CCDC191: variants seen among roughly 807,000 people sequenced by gnomAD.
CCDC191 encodes coiled-coil domain containing 191.
A neutral mutation model predicts 114.0 loss-of-function variants in CCDC191; 99 were observed. That is an observed-to-expected ratio of 0.87 (90% CI 0.74 to 1.03). The LOEUF is 1.03. Among genes scored for constraint, CCDC191 ranks in the 50% least tolerant of loss-of-function variants. The pLI is 0.00. For missense variants in CCDC191, 973 were observed against 1,087.0 expected, an observed-to-expected ratio of 0.90 and a Z score of 1.47; for synonymous variants, 351 against 376.0, an observed-to-expected ratio of 0.93 and a Z score of 0.77.
intron 16 of CCDC191, among the ~76,000 whole-genome samples, chr3:113,972,185 G>A (rs553774290): frequency 6.6e-6 from 1 of 152,014 alleles, no homozygotes; most frequent in African/African-American, 2.4e-5. Context: ...TTTGAAGTCT[G>A]TCAACTTTTT....
chr3:113,986,171 C>T (rs1189640581), intron 13 of CCDC191, among the ~76,000 whole-genome samples: 1 of 152,056 alleles, frequency 6.6e-6, no homozygotes, highest in South Asian at 2.1e-4. Flanking sequence ...AATAAAAAAA[C>T]ACATGGTAAT....
chr3:114,003,173 C>T (rs1219346498), intron 11 of CCDC191: 19 of 985,186 alleles, frequency 1.9e-5, no homozygotes, highest in Non-Finnish European at 2.3e-5. Flanking sequence ...TATTAAATAT[C>T]GATCCAAAAG....
intron 9 of CCDC191, among the ~76,000 whole-genome samples, chr3:114,006,203 C>T (rs778174002): frequency 7.2e-5 from 11 of 151,890 alleles, no homozygotes; most frequent in Non-Finnish European, 1.6e-4. Flanking sequence ...AATCCCAGCA[C>T]GTTGGGAGGC....
intron 9 of CCDC191, among the ~76,000 whole-genome samples, chr3:114,008,610 TA>T (rs1277719303): frequency 1.3e-5 from 2 of 151,998 alleles, no homozygotes; most frequent in African/African-American, 4.8e-5. Context: ...TTATAAAAAC[TA>T]AACAACTGTG....
At chr3:113,991,119 C>A (rs1269640109) in intron 13 of CCDC191, among the ~76,000 whole-genome samples, 1 of 151,620 alleles carries the variant, frequency 6.6e-6, no homozygotes, top group Non-Finnish European at 1.5e-5. Context: ...GCCTCTAATC[C>A]CAGCTACTCA....
chr3:113,965,356 C>A lies in CCDC191; in HGVS notation c.2610G>T (p.Arg870Ser), dbSNP rs1461680713. ...HEIAAEHSDR[R>S]ILWITLRTWK... ...ATGTCCGAAGGGTGATCCAGAGGAT[C>A]CTCCTTTAAGAATAAAGAAGGAAAA... The change falls in exon 17 of 17, where the codon AGG becomes AGT. Residue 870 changes from arginine to serine, a missense_variant. Physicochemically the swap from Arg to Ser is moderately radical, Grantham distance 110 (BLOSUM62 -1). Transcript: ENST00000295878. 2 of 1,563,586 alleles carry A rather than the reference C, an allele frequency of 1.3e-6. No individual in the cohort carries two copies. Among genetic ancestry groups the A allele is most frequent in the Admixed American group, 2.0e-5 (1 of 50,620 alleles).
chr3:114,054,655 AAAC>A (rs143153367), intron 1 of CCDC191, among the ~76,000 whole-genome samples: 3,799 of 152,022 alleles, frequency 0.025, 137 homozygotes, highest in African/African-American at 0.087. Flanking sequence ...ACAAACAAAC[AAAC>A]AACAACAACA....
chr3:114,019,027 TATGCTAATAATGACAAGGAATATTCAATC>T (rs1418995011), intron 7 of CCDC191, among the ~76,000 whole-genome samples, 159 bp from the exon 8 acceptor site: 45 of 152,342 alleles, frequency 3.0e-4, no homozygotes, highest in African/African-American at 1.0e-3. Context: ...ACAATTCCTT[TATGCTAATAATGACAAGGAATATTCAATC>T]ATGCAAATGA....
At chr3:114,049,499 G>C (rs1157270736) in intron 2 of CCDC191, among the ~76,000 whole-genome samples, 1 of 152,198 alleles carries the variant, frequency 6.6e-6, no homozygotes, top group Admixed American at 6.5e-5. Context: ...ACTTGACTTA[G>C]TTCCTCAGGC....
chr3:113,977,824 CAATA>C (rs1409675297), intron 16 of CCDC191, among the ~76,000 whole-genome samples: 1 of 152,126 alleles, frequency 6.6e-6, no homozygotes, highest in Admixed American at 6.5e-5. Flanking sequence ...GTACATTTCA[CAATA>C]AATGATGTTG....
Position 114,004,747 on chromosome 3 carries a change from C to G in CCDC191, c.1869-1G>C, listed in dbSNP as rs764992936. On this transcript the variant is annotated splice_acceptor_variant, in intron 10 of 16. Transcript: ENST00000295878. LOFTEE classifies it high-confidence loss of function. ...AGTCCCAGGGGAAGCAACAGGTGAA[C>G]TAGGGAAAAAATAAAGGAAAGGAAT... 1 of 1,606,566 alleles carries G rather than the reference C, an allele frequency of 6.2e-7. No individual in the cohort carries two copies. Among genetic ancestry groups the G allele is most frequent in the South Asian group, 1.1e-5 (1 of 90,484 alleles).
chr3:114,005,623 G>T lies in CCDC191; in HGVS notation c.1753C>A (p.Gln585Lys). The change falls in exon 10 of 17, where the codon CAG becomes AAG. Residue 585 changes from glutamine (Q) to lysine (K), a missense_variant. Gln to Lys is a moderately conservative substitution (Grantham distance 53). Transcript: ENST00000295878. ...GCTGCCCACTGAGCCTCTGCCAGCT[G>T]CAGGTTTTTCTTCAGCTCGAGAATT... Reference protein sequence around the residue: ...KTILELKKNLQLAEAQWAAEH... With the variant: ...KTILELKKNLKLAEAQWAAEH... The T allele has an allele frequency of 6.2e-7, 1 of 1,614,166 alleles. No homozygotes were observed. Among genetic ancestry groups the T allele is most frequent in the South Asian group, 1.1e-5 (1 of 91,086 alleles).
chr3:114,045,181 G>A (rs1278815130), intron 3 of CCDC191, among the ~76,000 whole-genome samples: 1 of 151,964 alleles, frequency 6.6e-6, no homozygotes, highest in Non-Finnish European at 1.5e-5. Context: ...CTACTGGCAG[G>A]GTGGGAGGTG....
At chr3:113,979,657 G>A (rs141030246) in intron 14 of CCDC191, among the ~76,000 whole-genome samples, 2 of 152,178 alleles carry the variant, frequency 1.3e-5, no homozygotes, top group East Asian at 1.9e-4. Flanking sequence ...TCTAAACAGC[G>A]ACACATTTTT....
At chr3:113,968,094 C>T (rs538980344) in intron 16 of CCDC191, among the ~76,000 whole-genome samples, 2 of 152,264 alleles carry the variant, frequency 1.3e-5, no homozygotes, top group African/African-American at 2.4e-5. Flanking sequence ...GTAATAATCA[C>T]GGACATGCAA....
chr3:113,981,430 A>G (rs1247334006), intron 13 of CCDC191, among the ~76,000 whole-genome samples: 1 of 152,158 alleles, frequency 6.6e-6, no homozygotes, highest in African/African-American at 2.4e-5. Context: ...GACCCTATAG[A>G]TATCATTATT....
chr3:113,995,782 C>A (rs1405550151), intron 13 of CCDC191, among the ~76,000 whole-genome samples: 1 of 152,170 alleles, frequency 6.6e-6, no homozygotes, highest in Non-Finnish European at 1.5e-5. Context: ...GCCTCACCAG[C>A]ATCTTTTGTT....
intron 1 of CCDC191, 101 bp from the exon 2 acceptor site, chr3:114,053,736 T>C (rs975884505): frequency 8.9e-6 from 6 of 672,788 alleles, no homozygotes; most frequent in Non-Finnish European, 1.5e-5. Context: ...ACAGTGTCCT[T>C]TATTATTTCC....
Position 114,034,945 on chromosome 3 carries a change from A to G in CCDC191, c.798T>C (p.Thr266=). ...LRREIIERRR[T]VKAAWKIEKK... is the part of the protein sequence containing the mutation. Reference sequence around the variant, plus strand: ...CTTACATTTTCCATGCTGCTTTCACAGTGCGTCTCCTCTCAATTATCTCCC... The same window carrying G: ...CTTACATTTTCCATGCTGCTTTCACGGTGCGTCTCCTCTCAATTATCTCCC... The change falls in exon 6 of 17, where the codon ACT becomes ACC. Residue 266 remains threonine, a synonymous_variant. Transcript: ENST00000295878. The G allele has an allele frequency of 6.2e-7, 1 of 1,613,994 alleles. No homozygotes were observed. The highest frequency in any genetic ancestry group is 8.5e-7 in the Non-Finnish European group (1 of 1,179,958).
Sources: allele counts gnomAD v4.1 joint callset (sites outside exome capture counted in the v4.1 genomes callset), GRCh38; gene constraint gnomAD v4.1.1; transcripts MANE v1.5; gene names NCBI Gene and HGNC (gene_info 2026-07-23, HGNC 2026-07-21).